Variants in SNRPD3 observed in about 807,000 individuals in gnomAD.
The protein encoded by SNRPD3 is small nuclear ribonucleoprotein Sm D3.
For synonymous variants in SNRPD3, 66 were observed against 58.4 expected, an observed-to-expected ratio of 1.13 and a Z score of -0.59; for missense variants, 73 against 167.5, an observed-to-expected ratio of 0.44 and a Z score of 3.11.
At chr22:24,562,115 C>T (rs1158622843) in intron 2 of SNRPD3, among the ~76,000 whole-genome samples, 5 of 152,236 alleles carry the variant, frequency 3.3e-5, no homozygotes, top group Non-Finnish European at 7.3e-5. Context: ...ACCTTGGCCT[C>T]CCAAAGTATT....
chr22:24,567,988 C>T lies in SNRPD3; in HGVS notation c.131C>T (p.Ser44Phe). The T allele has an allele frequency of 1.3e-6, 2 of 1,592,060 alleles. No individual in the cohort carries two copies. Residue 44 changes from serine (S) to phenylalanine (F), a missense_variant, in exon 3 of 4, where the codon TCC (serine) becomes TTC (phenylalanine). Physicochemically the swap from Ser to Phe is radical, Grantham distance 155 (BLOSUM62 -2). Coordinates refer to ENST00000215829, the MANE Select transcript of SNRPD3 (RefSeq NM_004175.5). ...EAEDNMNCQMSNITVTYRDGR... is the reference protein window; with the variant it reads ...EAEDNMNCQMFNITVTYRDGR... ...TAGCTGGTGATTTCCTTCCAGATGT[C>T]CAACATCACAGTCACATACAGAGAT... is the stretch of plus-strand genomic sequence containing the variant.
intron 2 of SNRPD3, among the ~76,000 whole-genome samples, chr22:24,563,317 T>A (rs1468013229): frequency 2.0e-5 from 3 of 149,606 alleles, no homozygotes; most frequent in East Asian, 3.9e-4. Flanking sequence ...TTTTTTTTTT[T>A]AAAGGAAGAA....
At chr22:24,556,397 G>T (rs1488735884) in intron 1 of SNRPD3, among the ~76,000 whole-genome samples, 1 of 145,630 alleles carries the variant, frequency 6.9e-6, no homozygotes, top group African/African-American at 2.6e-5. Context: ...TTTAAGTAGA[G>T]ACGGGGTTTC....
chr22:24,569,730 G>A (rs550649479), intron 3 of SNRPD3, among the ~76,000 whole-genome samples: 2 of 152,324 alleles, frequency 1.3e-5, no homozygotes, highest in East Asian at 3.9e-4. Context: ...CACTCCTTGG[G>A]TTCGATTAAT....
intron 2 of SNRPD3, among the ~76,000 whole-genome samples, chr22:24,565,951 AAC>A (rs913363569): frequency 2.0e-4 from 31 of 152,150 alleles, no homozygotes; most frequent in African/African-American, 6.7e-4. Flanking sequence ...CCAGCCCCAA[AAC>A]ACATTTTAAT....
rs982375209 is a variant in SNRPD3 at position 24,573,861 on chromosome 22, A to G, written c.*1884A>G. On this transcript the variant is annotated 3_prime_UTR_variant, in exon 4 of 4. Coordinates refer to ENST00000215829, the MANE Select transcript of SNRPD3 (RefSeq NM_004175.5). ...GCACCACTGCACTCCAGCCTGGATG[A>G]CAGTGAGACCCTGTCTCTTAAATAA... 3.3e-5 allele frequency among the ~76,000 whole-genome samples: 5 copies of G among 152,230 alleles called. No individual in the cohort carries two copies. The highest frequency in any genetic ancestry group is 3.3e-4 in the Admixed American group (5 of 15,282).
chr22:24,569,274 T>G (rs1167762582), intron 3 of SNRPD3, among the ~76,000 whole-genome samples: 2 of 152,214 alleles, frequency 1.3e-5, no homozygotes, highest in Non-Finnish European at 1.5e-5. Context: ...TGGTCTTGCT[T>G]CTTGGTTAGC....
chr22:24,568,070 G>A lies in SNRPD3; in HGVS notation c.213G>A (p.Leu71=). The change falls in exon 3 of 4, where the codon CTG becomes CTA. Residue 71 remains leucine (L), a synonymous_variant. Coordinates refer to ENST00000215829, the MANE Select transcript of SNRPD3 (RefSeq NM_004175.5). The part of the protein sequence containing the change: ...VYIRGSKIRF[L]ILPDMLKNAP... ...TCCGTGGCAGCAAAATCCGCTTTCT[G>A]ATTTTGCCTGACATGCTGAAGAACG... is the stretch of plus-strand genomic sequence containing the variant. 6.2e-7 allele frequency: 1 copy of A among 1,613,976 alleles called. No individual in the cohort carries two copies.
intron 2 of SNRPD3, among the ~76,000 whole-genome samples, chr22:24,558,908 G>A (rs1455524074): frequency 1.3e-5 from 2 of 152,134 alleles, no homozygotes; most frequent in Non-Finnish European, 2.9e-5. Context: ...GGAGATTGTC[G>A]GCTGCCTGCA....
At chr22:24,561,243 T>C (rs1472560529) in intron 2 of SNRPD3, among the ~76,000 whole-genome samples, 1 of 151,878 alleles carries the variant, frequency 6.6e-6, no homozygotes. Context: ...TGGCTAATTT[T>C]TAAATTTTTT....
At chr22:24,565,271 T>A (rs1347518380) in intron 2 of SNRPD3, among the ~76,000 whole-genome samples, 4 of 151,914 alleles carry the variant, frequency 2.6e-5, no homozygotes, top group Non-Finnish European at 5.9e-5. Flanking sequence ...AGCCAGGCCA[T>A]GTAAGCGTGG....
chr22:24,572,062 G>T lies in SNRPD3; in HGVS notation c.*85G>T, dbSNP rs550760175. 4 of 1,585,044 alleles carry T rather than the reference G, an allele frequency of 2.5e-6. No homozygotes were observed. Among genetic ancestry groups the T allele is most frequent in the Non-Finnish European group, 2.6e-6 (3 of 1,165,066 alleles). On this transcript the variant is annotated 3_prime_UTR_variant, in exon 4 of 4. Transcript: ENST00000215829. The stretch of plus-strand genomic sequence containing the variant: ...GTGGGTGCTTGTGCATATATGCTAG[G>T]TATCTTTTGCCATCTTTCTCTTTAG...
At chr22:24,557,879 C>T (rs761686625) in intron 2 of SNRPD3, 79 bp downstream of exon 2, 1 of 1,418,338 alleles carries the variant, frequency 7.1e-7, no homozygotes, top group African/African-American at 1.5e-5. Flanking sequence ...TGTTGAGGGT[C>T]TCTGGAAATT....
intron 2 of SNRPD3, among the ~76,000 whole-genome samples, chr22:24,562,037 A>G (rs543328672): frequency 1.7e-3 from 264 of 152,030 alleles, no homozygotes; most frequent in Middle Eastern, 3.4e-3. Flanking sequence ...GATTCGGAAA[A>G]GATAAATAGA....
chr22:24,565,082 G>A (rs1169220111), intron 2 of SNRPD3, among the ~76,000 whole-genome samples: 1 of 151,658 alleles, frequency 6.6e-6, no homozygotes, highest in African/African-American at 2.4e-5. Flanking sequence ...ATAGGATCTT[G>A]TTACATTTCC....
intron 2 of SNRPD3, among the ~76,000 whole-genome samples, chr22:24,562,604 A>G (rs898469183): frequency 6.6e-6 from 1 of 152,110 alleles, no homozygotes; most frequent in Non-Finnish European, 1.5e-5. Flanking sequence ...CAGCTACTCC[A>G]TAGGCTGAGG....
intron 2 of SNRPD3, among the ~76,000 whole-genome samples, chr22:24,565,420 G>C (rs2045187524): frequency 6.6e-6 from 1 of 152,124 alleles, no homozygotes; most frequent in African/African-American, 2.4e-5. Flanking sequence ...GAAATCACCT[G>C]GGCCAGCACT....
chr22:24,563,204 A>ATGTG (rs1467545713), intron 2 of SNRPD3, among the ~76,000 whole-genome samples: 50 of 99,432 alleles, frequency 5.0e-4, no homozygotes, highest in African/African-American at 9.0e-4. Flanking sequence ...CCTGTCTCAT[A>ATGTG]TATGTGTGTG....
chr22:24,574,799 G>A lies in SNRPD3; in HGVS notation c.*2822G>A, dbSNP rs1237054448. Among the ~76,000 whole-genome samples, 1 of 152,088 alleles carries A rather than the reference G, an allele frequency of 6.6e-6. No individual in the cohort carries two copies. The highest frequency in any genetic ancestry group is 2.4e-5 in the African/African-American group (1 of 41,382). ...TCAAGTGATCTGCCCGCCTCGGCCT[G>A]CTGGGATTATAGGTGTGAGCCACTG... On this transcript the variant is annotated 3_prime_UTR_variant, in exon 4 of 4. Coordinates refer to ENST00000215829, the MANE Select transcript of SNRPD3 (RefSeq NM_004175.5).
Sources: allele counts gnomAD v4.1 joint callset (sites outside exome capture counted in the v4.1 genomes callset), GRCh38; gene constraint gnomAD v4.1.1; transcripts MANE v1.5; gene names NCBI Gene and HGNC (gene_info 2026-07-23, HGNC 2026-07-21).